Variants in RANBP17 observed in about 807,000 individuals in gnomAD.
RANBP17 encodes RAN binding protein 17, also known as ran-binding protein 17.
Under a neutral mutation model 141.2 loss-of-function variants are expected in RANBP17, and 158 were observed. The observed-to-expected ratio is 1.12, with a 90% CI of 0.98 to 1.28. The LOEUF is 1.28. RANBP17 is among the 50% of genes most tolerant of loss of function. The pLI, the probability that RANBP17 is intolerant of heterozygous loss-of-function variation, is 0.00. For missense variants in RANBP17, 1,438 were observed against 1,290.7 expected (o/e 1.11, Z -1.75); for synonymous variants, 430 against 450.0 (o/e 0.96, Z 0.56).
At chr5:170,972,655 T>G (rs2127536882) in intron 14 of RANBP17, among the ~76,000 whole-genome samples, 1 of 152,316 alleles carries the variant, frequency 6.6e-6, no homozygotes, top group South Asian at 2.1e-4. Flanking sequence ...CAAACAATAC[T>G]GCAGTAAATA....
At chr5:171,005,815 G>A (rs1329568107) in intron 14 of RANBP17, among the ~76,000 whole-genome samples, 2 of 152,094 alleles carry the variant, frequency 1.3e-5, no homozygotes, top group Non-Finnish European at 1.5e-5. Flanking sequence ...GCAACCTACA[G>A]AATGGGGGAA....
intron 14 of RANBP17, among the ~76,000 whole-genome samples, chr5:171,035,622 G>T (rs541260871): frequency 1.6e-4 from 24 of 150,280 alleles, no homozygotes; most frequent in African/African-American, 5.8e-4. Flanking sequence ...GAACACTGAG[G>T]CATTTACCCA....
At chr5:171,047,355 G>GT (rs1366488862) in intron 14 of RANBP17, among the ~76,000 whole-genome samples, 25 of 145,956 alleles carry the variant, frequency 1.7e-4, no homozygotes, top group East Asian at 4.1e-4. Flanking sequence ...GATGTTGAAC[G>GT]GTTTTTTTTT....
chr5:171,174,751 A>AGTGTGTGTGTGTGTGTGTGTGT (rs57948503), intron 16 of RANBP17, among the ~76,000 whole-genome samples: 1 of 135,622 alleles, frequency 7.4e-6, no homozygotes. Flanking sequence ...AAATATCTAG[A>AGTGTGTGTGTGTGTGTGTGTGT]GTGTGTGTGT....
chr5:171,202,011 A>C (rs1561759022), intron 19 of RANBP17, among the ~76,000 whole-genome samples: 3 of 152,208 alleles, frequency 2.0e-5, no homozygotes, highest in Non-Finnish European at 4.4e-5. Flanking sequence ...TTTAATTTGC[A>C]CCTCTTACCA....
intron 18 of RANBP17, among the ~76,000 whole-genome samples, chr5:171,192,943 G>A (rs183144018): frequency 2.0e-3 from 298 of 152,312 alleles, no homozygotes; most frequent in Middle Eastern, 6.8e-3. Context: ...CCAAGTTTCA[G>A]GGGCCAGTTA....
intron 3 of RANBP17, among the ~76,000 whole-genome samples, chr5:170,883,557 C>T (rs1184882061): frequency 6.6e-6 from 1 of 152,150 alleles, no homozygotes; most frequent in Non-Finnish European, 1.5e-5. Context: ...TAGTATTATA[C>T]AGAATAGTTT....
chr5:171,104,106 C>T (rs186100523), intron 14 of RANBP17, among the ~76,000 whole-genome samples: 30 of 152,344 alleles, frequency 2.0e-4, no homozygotes, highest in Admixed American at 1.2e-3. Context: ...GGCACAATCT[C>T]GGCTCACTGA....
chr5:171,287,067 T>G lies in RANBP17; in HGVS notation c.2944-6816T>G, dbSNP rs185964148. Among the ~76,000 whole-genome samples, 230 of 152,330 alleles carry G rather than the reference T, an allele frequency of 1.5e-3. 1 individual carries two copies. The highest frequency in any genetic ancestry group is 5.3e-3 in the African/African-American group (221 of 41,578). On this transcript the variant is annotated intron_variant, in intron 25 of 27. Coordinates refer to ENST00000523189, the MANE Select transcript of RANBP17 (RefSeq NM_022897.5). ...TCAGAAGCAGCTCTTGAAACTTAGATGCATTTATTATTGGTTGTTCCTCAA... is the reference window on the plus strand; with the variant it reads ...TCAGAAGCAGCTCTTGAAACTTAGAGGCATTTATTATTGGTTGTTCCTCAA...
chr5:171,263,200 C>T, intron 24 of RANBP17, among the ~76,000 whole-genome samples: 1 of 152,180 alleles, frequency 6.6e-6, no homozygotes, highest in East Asian at 1.9e-4. Context: ...AAACTACTCC[C>T]TTAGGAAGTT....
chr5:171,240,983 A>C lies in RANBP17; in HGVS notation c.2478A>C (p.Lys826Asn), dbSNP rs200718465. The C allele has an allele frequency of 1.6e-4, 260 of 1,613,794 alleles. No homozygotes were observed. Among genetic ancestry groups the C allele is most frequent in the Non-Finnish European group, 2.1e-4 (243 of 1,179,918 alleles). Residue 826 changes from lysine (K) to asparagine (N), a missense_variant, in exon 23 of 28, where the codon AAA (lysine) becomes AAC (asparagine). Physicochemically the swap from Lys to Asn is moderately conservative, Grantham distance 94. Coordinates refer to ENST00000523189, the MANE Select transcript of RANBP17 (RefSeq NM_022897.5). ...CAAAAGATCAGATTTATCCAATGAA[A>C]CTCAAGGGCATCTCCATCTGCTATT... The part of the protein sequence containing the change: ...SLSKDQIYPM[K>N]LKGISICYSA...
At chr5:171,066,364 A>C (rs1341328756) in intron 14 of RANBP17, among the ~76,000 whole-genome samples, 2 of 151,908 alleles carry the variant, frequency 1.3e-5, no homozygotes, top group Non-Finnish European at 2.9e-5. Flanking sequence ...TCTGCTCTCT[A>C]CTTTTATGAG....
At chr5:170,896,363 G>A (rs774719916) in intron 5 of RANBP17, 4 of 400,450 alleles carry the variant, frequency 1.0e-5, no homozygotes, top group African/African-American at 8.3e-5. Context: ...CATGGTTCTT[G>A]CTCCCATGGG....
intron 14 of RANBP17, among the ~76,000 whole-genome samples, chr5:171,054,089 A>G (rs541882676): frequency 2.0e-5 from 3 of 151,920 alleles, no homozygotes; most frequent in South Asian, 4.2e-4. Context: ...TACTGTTTGC[A>G]TAGAATATCC....
intron 16 of RANBP17, among the ~76,000 whole-genome samples, chr5:171,182,936 C>A (rs1307412365): frequency 6.6e-6 from 1 of 152,148 alleles, no homozygotes; most frequent in Non-Finnish European, 1.5e-5. Context: ...TTATAAAATT[C>A]ATTCTTTCTT....
chr5:171,256,387 A>G (rs1179689307), intron 24 of RANBP17, among the ~76,000 whole-genome samples: 1 of 152,222 alleles, frequency 6.6e-6, no homozygotes, highest in East Asian at 1.9e-4. Flanking sequence ...ATACAAAATA[A>G]TATCTATTAA....
At chr5:170,930,231 G>A (rs1258032591) in intron 12 of RANBP17, among the ~76,000 whole-genome samples, 1 of 151,256 alleles carries the variant, frequency 6.6e-6, no homozygotes, top group Non-Finnish European at 1.5e-5. Flanking sequence ...CTAATTCTGG[G>A]TGCAGACTGC....
At chr5:171,122,674 G>A (rs1756125191) in intron 14 of RANBP17, among the ~76,000 whole-genome samples, 1 of 152,298 alleles carries the variant, frequency 6.6e-6, no homozygotes, top group South Asian at 2.1e-4. Context: ...AGCCATTGGA[G>A]TGCCCCTTGG....
At chr5:171,043,291 A>G (rs1032619341) in intron 14 of RANBP17, among the ~76,000 whole-genome samples, 1 of 152,212 alleles carries the variant, frequency 6.6e-6, no homozygotes, top group African/African-American at 2.4e-5. Flanking sequence ...CTGGTTTACA[A>G]TCAGTGGAAC....
Sources: gnomAD v4.1 joint callset for allele counts (sites outside exome capture counted in the v4.1 genomes callset) on GRCh38, gnomAD v4.1.1 for gene constraint, MANE v1.5 for transcripts, NCBI Gene and HGNC (gene_info 2026-07-23, HGNC 2026-07-21) for gene names.